The following GPC5 variants were observed in gnomAD, a reference collection of about 807,000 sequenced individuals.
The protein encoded by GPC5 is glypican-5.
A neutral mutation model predicts 53.9 loss-of-function variants in GPC5; 47 were observed. That is an observed-to-expected ratio of 0.87 (90% CI 0.69 to 1.11). The LOEUF is 1.11. Ranked by LOEUF, GPC5 falls within the 50% of genes most tolerant of loss-of-function variation. The pLI is 0.00. For missense variants in GPC5, 748 were observed against 713.1 expected, an observed-to-expected ratio of 1.05 and a Z score of -0.56; for synonymous variants, 286 against 263.3, an observed-to-expected ratio of 1.09 and a Z score of -0.84.
intron 7 of GPC5, among the ~76,000 whole-genome samples, chr13:92,396,714 G>T (rs1875295734): frequency 6.6e-6 from 1 of 151,984 alleles, no homozygotes; most frequent in South Asian, 2.1e-4. Context: ...TTGTTATCTT[G>T]CCTTTTACAT....
intron 7 of GPC5, among the ~76,000 whole-genome samples, chr13:92,602,388 C>G (rs1273349736): frequency 6.6e-6 from 1 of 151,366 alleles, no homozygotes; most frequent in African/African-American, 2.4e-5. Context: ...TTCCAACTAG[C>G]TGTCTAATTT....
intron 6 of GPC5, among the ~76,000 whole-genome samples, chr13:92,130,470 G>A (rs371659941): frequency 1.6e-4 from 24 of 151,850 alleles, no homozygotes; most frequent in African/African-American, 5.6e-4. Flanking sequence ...AACCACATGT[G>A]GATTAGCTGG....
At chr13:91,981,351 G>A (rs541198502) in intron 6 of GPC5, among the ~76,000 whole-genome samples, 18 of 151,048 alleles carry the variant, frequency 1.2e-4, no homozygotes, top group Non-Finnish European at 1.8e-4. Context: ...GTGCAGTGGC[G>A]CGATCTCGGC....
At chr13:91,661,940 G>A (rs1194963234) in intron 2 of GPC5, among the ~76,000 whole-genome samples, 4 of 152,146 alleles carry the variant, frequency 2.6e-5, no homozygotes, top group Non-Finnish European at 4.4e-5. Context: ...GAACTGGCAC[G>A]GTCTTATGTC....
At chr13:91,531,510 C>T (rs746059469) in intron 2 of GPC5, among the ~76,000 whole-genome samples, 3 of 152,118 alleles carry the variant, frequency 2.0e-5, no homozygotes, top group Non-Finnish European at 2.9e-5. Flanking sequence ...ATTTTGAAAG[C>T]TGTAAGTAGC....
intron 6 of GPC5, among the ~76,000 whole-genome samples, chr13:91,988,107 G>C (rs2040425802): frequency 6.7e-6 from 1 of 149,156 alleles, no homozygotes; most frequent in South Asian, 2.1e-4. Flanking sequence ...GGTCTCAGAA[G>C]CTTTTAGATA....
At chr13:91,773,203 C>T (rs1594549351) in intron 5 of GPC5, among the ~76,000 whole-genome samples, 2 of 152,226 alleles carry the variant, frequency 1.3e-5, no homozygotes, top group Admixed American at 1.3e-4. Flanking sequence ...ATCACATCCT[C>T]CTTAGATATT....
intron 7 of GPC5, among the ~76,000 whole-genome samples, chr13:92,617,911 G>A (rs2139109585): frequency 1.3e-5 from 2 of 152,214 alleles, no homozygotes; most frequent in South Asian, 4.1e-4. Context: ...ATGTATACAT[G>A]TGCCATGTTG....
At chr13:91,971,528 T>C (rs1047583623) in intron 6 of GPC5, among the ~76,000 whole-genome samples, 1 of 152,212 alleles carries the variant, frequency 6.6e-6, no homozygotes, top group African/African-American at 2.4e-5. Context: ...TGTTTGCTCT[T>C]GCTTCTCTAG....
intron 6 of GPC5, among the ~76,000 whole-genome samples, chr13:92,069,395 A>C (rs1241625005): frequency 7.0e-6 from 1 of 142,062 alleles, no homozygotes; most frequent in Admixed American, 7.3e-5. Context: ...TTATTATCAT[A>C]ATGTGTGCGT....
At chr13:92,651,504 CAAT>C (rs965989819) in intron 7 of GPC5, among the ~76,000 whole-genome samples, 1 of 152,016 alleles carries the variant, frequency 6.6e-6, no homozygotes, top group African/African-American at 2.4e-5. Context: ...TCACGGTCAT[CAAT>C]AATGTGAAGA....
At chr13:92,245,048 A>G (rs2042640402) in intron 7 of GPC5, among the ~76,000 whole-genome samples, 1 of 151,474 alleles carries the variant, frequency 6.6e-6, no homozygotes, top group Non-Finnish European at 1.5e-5. Flanking sequence ...AAAAAAAAAA[A>G]AAAAAACTTG....
chr13:91,554,348 C>A (rs2030819910), intron 2 of GPC5, among the ~76,000 whole-genome samples: 1 of 151,742 alleles, frequency 6.6e-6, no homozygotes, highest in Admixed American at 6.6e-5. Flanking sequence ...CATGTATACA[C>A]ACAGGCACAT....
At chr13:92,639,262 CTTA>C (rs1885511537) in intron 7 of GPC5, among the ~76,000 whole-genome samples, 1 of 152,134 alleles carries the variant, frequency 6.6e-6, no homozygotes, top group Admixed American at 6.6e-5. Context: ...CCATTATAAT[CTTA>C]TTTTCTCTCA....
intron 7 of GPC5, among the ~76,000 whole-genome samples, chr13:92,610,268 A>T (rs531832771): frequency 8.1e-4 from 123 of 152,308 alleles, no homozygotes; most frequent in African/African-American, 2.9e-3. Context: ...ATTTTATTTT[A>T]TCCTAGTAGA....
intron 7 of GPC5, among the ~76,000 whole-genome samples, chr13:92,706,673 C>G (rs999887271): frequency 6.6e-6 from 1 of 152,098 alleles, no homozygotes; most frequent in Non-Finnish European, 1.5e-5. Flanking sequence ...TATTAGCCTC[C>G]CCTGGTAATG....
intron 7 of GPC5, among the ~76,000 whole-genome samples, chr13:92,215,230 T>C (rs1204004487): frequency 6.6e-6 from 1 of 152,216 alleles, no homozygotes; most frequent in Non-Finnish European, 1.5e-5. Flanking sequence ...AGGAGCTTTG[T>C]AACTTAAAAC....
intron 7 of GPC5, among the ~76,000 whole-genome samples, chr13:92,404,170 T>A (rs146138717): frequency 1.3e-3 from 203 of 152,354 alleles, no homozygotes; most frequent in Non-Finnish European, 2.4e-3. Context: ...GTTTTCAGAA[T>A]AGCTAATCTT....
intron 6 of GPC5, among the ~76,000 whole-genome samples, chr13:91,977,038 CAATAAATAAATAAATAAATA>C (rs138005450): frequency 4.2e-4 from 60 of 141,800 alleles, no homozygotes; most frequent in Non-Finnish European, 5.5e-4. Flanking sequence ...GATTCTGTCT[CAATAAATAAATAAATAAATA>C]AATAAATAAA....
Sources: gnomAD v4.1 joint callset for allele counts (sites outside exome capture counted in the v4.1 genomes callset) on GRCh38, gnomAD v4.1.1 for gene constraint, MANE v1.5 for transcripts, NCBI Gene and HGNC (gene_info 2026-07-23, HGNC 2026-07-21) for gene names.